MCUB: variants seen among roughly 807,000 people sequenced by gnomAD.
MCUB encodes the protein calcium uniporter regulatory subunit MCUb, mitochondrial.
MCUB carries 46 observed loss-of-function variants against 41.4 expected under a neutral mutation model. The observed-to-expected ratio is 1.11, with a 90% CI of 0.88 to 1.42. The LOEUF is 1.42. Ranked by LOEUF, MCUB falls within the 40% of genes most tolerant of loss-of-function variation. The pLI, the probability that MCUB is intolerant of heterozygous loss-of-function variation, is 0.00. For missense variants in MCUB, 403 were observed against 404.9 expected (o/e 1.00, Z 0.04); for synonymous variants, 148 against 148.2 (o/e 1.00, Z 0.01).
intron 1 of MCUB, among the ~76,000 whole-genome samples, chr4:109,617,058 T>C (rs1176893411): frequency 3.3e-5 from 5 of 152,330 alleles, no homozygotes; most frequent in African/African-American, 1.2e-4. Context: ...CCTAACCATA[T>C]TGTTGTGATC....
At chr4:109,620,870 C>G (rs1728236164) in intron 1 of MCUB, among the ~76,000 whole-genome samples, 1 of 151,148 alleles carries the variant, frequency 6.6e-6, no homozygotes, top group African/African-American at 2.4e-5. Flanking sequence ...ATAACTTGCT[C>G]AAAGAACAAG....
At chr4:109,604,092 C>T (rs1239555922) in intron 1 of MCUB, among the ~76,000 whole-genome samples, 2 of 151,822 alleles carry the variant, frequency 1.3e-5, no homozygotes, top group Non-Finnish European at 2.9e-5. Context: ...TACCCCCAAC[C>T]CCGTGCTCTC....
intron 4 of MCUB, among the ~76,000 whole-genome samples, chr4:109,679,167 G>C (rs1446215810): frequency 6.6e-6 from 1 of 151,778 alleles, no homozygotes; most frequent in South Asian, 2.1e-4. Context: ...TCCCAGACGG[G>C]GCAGCTGGGC....
intron 1 of MCUB, among the ~76,000 whole-genome samples, chr4:109,636,332 C>CTG (rs1728588532): frequency 6.6e-6 from 1 of 152,154 alleles, no homozygotes; most frequent in South Asian, 2.1e-4. Flanking sequence ...GATACAGCTT[C>CTG]AAGCCATCAG....
At chr4:109,611,088 T>TTTGAGATA (rs1366642110) in intron 1 of MCUB, among the ~76,000 whole-genome samples, 1 of 150,202 alleles carries the variant, frequency 6.7e-6, no homozygotes, top group East Asian at 1.9e-4. Flanking sequence ...CTTTTATTCC[T>TTTGAGATA]TTGAGATAGG....
chr4:109,629,606 G>A (rs1047026943), intron 1 of MCUB, among the ~76,000 whole-genome samples: 2 of 152,054 alleles, frequency 1.3e-5, no homozygotes, highest in East Asian at 3.8e-4. Context: ...TCCTCTCCTC[G>A]GGTTCTATTA....
At chr4:109,587,266 A>G (rs999987727) in intron 1 of MCUB, among the ~76,000 whole-genome samples, 12 of 152,370 alleles carry the variant, frequency 7.9e-5, no homozygotes, top group African/African-American at 2.9e-4. Context: ...CCACTGAGCC[A>G]GGCACAGGAT....
At chr4:109,602,303 G>C (rs1727763046) in intron 1 of MCUB, among the ~76,000 whole-genome samples, 1 of 151,812 alleles carries the variant, frequency 6.6e-6, no homozygotes, top group Non-Finnish European at 1.5e-5. Context: ...GCTCCAGTGA[G>C]AGTTTCCCCA....
At chr4:109,654,136 T>G (rs992598104) in intron 1 of MCUB, among the ~76,000 whole-genome samples, 2 of 152,214 alleles carry the variant, frequency 1.3e-5, no homozygotes, top group Admixed American at 6.5e-5. Context: ...TTCTTAGCAT[T>G]TAATTCCTCA....
chr4:109,579,318 C>G (rs1025998513), intron 1 of MCUB, among the ~76,000 whole-genome samples: 3 of 151,572 alleles, frequency 2.0e-5, no homozygotes, highest in Admixed American at 6.6e-5. Flanking sequence ...GGCGTGATCT[C>G]AGTTCACTGC....
At chr4:109,571,603 G>A (rs1224046749) in intron 1 of MCUB, among the ~76,000 whole-genome samples, 3 of 152,170 alleles carry the variant, frequency 2.0e-5, no homozygotes, top group East Asian at 3.9e-4. Context: ...ATGAGCCACC[G>A]TGCCAGGCTA....
intron 1 of MCUB, among the ~76,000 whole-genome samples, chr4:109,594,344 A>C (rs1041842471): frequency 6.6e-6 from 1 of 152,226 alleles, no homozygotes; most frequent in Non-Finnish European, 1.5e-5. Flanking sequence ...GAATGTCATA[A>C]TAGGCCTAGT....
chr4:109,613,762 A>T (rs1349962690), intron 1 of MCUB, among the ~76,000 whole-genome samples: 1 of 152,194 alleles, frequency 6.6e-6, no homozygotes, highest in Non-Finnish European at 1.5e-5. Flanking sequence ...ACTGAGTGCC[A>T]TATTCTTAAA....
chr4:109,589,482 T>C (rs1250735715), intron 1 of MCUB, among the ~76,000 whole-genome samples: 1 of 152,160 alleles, frequency 6.6e-6, no homozygotes, highest in African/African-American at 2.4e-5. Context: ...TTTAGAGCAG[T>C]AGAGAAAGCC....
At chr4:109,564,225 C>T (rs1170604689) in intron 1 of MCUB, among the ~76,000 whole-genome samples, 3 of 152,060 alleles carry the variant, frequency 2.0e-5, no homozygotes, top group East Asian at 1.9e-4. Flanking sequence ...CTCCGCCTCC[C>T]GGGTTCAAAC....
At position 109,674,533 on chromosome 4, in the gene MCUB, G is replaced by A. The variant is rs185035699; in HGVS notation, c.452-8049G>A. Among the ~76,000 whole-genome samples, 429 of 152,338 alleles carry A rather than the reference G, an allele frequency of 2.8e-3. 2 individuals carry two copies. The highest frequency in any genetic ancestry group is 4.6e-3 in the Non-Finnish European group (315 of 68,028). On this transcript the variant is annotated intron_variant, in intron 4 of 7. Coordinates refer to ENST00000394650, the MANE Select transcript of MCUB (RefSeq NM_017918.5). ...CAGTTAATTCAACTTTTGTCTGCGT[G>A]TTTTGTGGACTGGCTGACTCTGTTA...
chr4:109,574,355 G>A (rs1561213382), intron 1 of MCUB, among the ~76,000 whole-genome samples: 1 of 152,170 alleles, frequency 6.6e-6, no homozygotes, highest in African/African-American at 2.4e-5. Flanking sequence ...CATTCTGGCT[G>A]TTCCCTAATA....
At chr4:109,592,974 C>T (rs28661263) in intron 1 of MCUB, among the ~76,000 whole-genome samples, 1,781 of 152,292 alleles carry the variant, frequency 0.012, 23 homozygotes, top group African/African-American at 0.036. Context: ...TTCCTTTTTA[C>T]GCATTTACTT....
chr4:109,649,039 A>G (rs879636151), intron 1 of MCUB, among the ~76,000 whole-genome samples: 1 of 152,142 alleles, frequency 6.6e-6, no homozygotes, highest in African/African-American at 2.4e-5. Context: ...TTTCTCATGC[A>G]TTCTTATTCC....
Sources: allele counts gnomAD v4.1 joint callset (sites outside exome capture counted in the v4.1 genomes callset), GRCh38; gene constraint gnomAD v4.1.1; transcripts MANE v1.5; gene names NCBI Gene and HGNC (gene_info 2026-07-23, HGNC 2026-07-21).